Variants in OCIAD1 observed in about 807,000 individuals in gnomAD.
The protein encoded by OCIAD1 is OCIA domain-containing protein 1.
OCIAD1 carries 29 observed loss-of-function variants against 38.9 expected under a neutral mutation model. The ratio of observed to expected loss-of-function variants is 0.74; its 90% confidence interval spans 0.55 to 1.02. The LOEUF (loss-of-function observed/expected upper bound fraction) is 1.02. Among genes scored for constraint, OCIAD1 ranks in the 50% least tolerant of loss-of-function variants. The pLI is 0.00. For synonymous variants in OCIAD1, 110 were observed against 92.0 expected (o/e 1.20, Z -1.12); for missense variants, 288 against 289.6 (o/e 0.99, Z 0.04).
At chr4:48,805,686 T>C (rs1013076692) in intron 1 of OCIAD1, among the ~76,000 whole-genome samples, 1 of 141,030 alleles carries the variant, frequency 7.1e-6, no homozygotes, top group African/African-American at 2.6e-5. Context: ...CCCCATCTCT[T>C]AAAAAAAAAA....
intron 1 of OCIAD1, among the ~76,000 whole-genome samples, chr4:48,813,995 A>G (rs966033004): frequency 7.2e-5 from 11 of 152,166 alleles, no homozygotes; most frequent in Admixed American, 5.2e-4. Context: ...TAATCTCATT[A>G]AAAAAATTTT....
rs534426545 is a variant in OCIAD1 at position 48,816,985 on chromosome 4, T to C, written c.-103+11655T>C. ...ACTCCCTCCTCCCCAAAAAAAGGGG[T>C]GGGAGAGGGGCCAAGATGGCTGAAT... On this transcript the variant is annotated intron_variant, in intron 1 of 6. Transcript: ENST00000504654. 2.6e-5 allele frequency among the ~76,000 whole-genome samples: 4 copies of C among 151,816 alleles called. No individual in the cohort carries two copies. In the South Asian group the frequency reaches 8.3e-4, roughly 32 times the overall value.
At chr4:48,818,420 TC>T (rs151160708) in intron 1 of OCIAD1, among the ~76,000 whole-genome samples, 2,814 of 152,106 alleles carry the variant, frequency 0.019, 28 homozygotes, top group Middle Eastern at 0.037. Context: ...CATCCAAAGA[TC>T]ATCAGCCTCA....
intron 3 of OCIAD1, 38 bp from the exon 4 acceptor site, chr4:48,842,598 C>G: frequency 7.2e-7 from 1 of 1,392,088 alleles, no homozygotes; most frequent in Non-Finnish European, 1.0e-6. Flanking sequence ...AAATCTTTTA[C>G]TTTTGTTGAT....
At chr4:48,818,812 AG>A (rs1228831353) in intron 1 of OCIAD1, among the ~76,000 whole-genome samples, 53 of 152,338 alleles carry the variant, frequency 3.5e-4, no homozygotes, top group African/African-American at 1.2e-3. Flanking sequence ...ATCAAGCGGA[AG>A]AAAGGATATT....
Position 48,860,811 on chromosome 4 carries a change from A to C in OCIAD1, c.*49A>C, listed in dbSNP as rs770709882. 7.2e-6 allele frequency: 10 copies of C among 1,382,150 alleles called. No individual in the cohort carries two copies. Among genetic ancestry groups the C allele is most frequent in the Non-Finnish European group, 1.0e-5 (10 of 971,024 alleles). The allele number at this position is 1,382,150 out of a possible 1,614,324, so 85.6% of individuals were successfully genotyped here. ...GGAGTTTCAACATCCAGCTTCATCT[A>C]GGTGGTCATGATTACCTGCATGCTT... On this transcript the variant is annotated 3_prime_UTR_variant, in exon 9 of 9. Transcript: ENST00000264312.
At chr4:48,852,019 A>C (rs370531486) in intron 7 of OCIAD1, 44 bp downstream of exon 7, 4 of 1,477,690 alleles carry the variant, frequency 2.7e-6, no homozygotes, top group African/African-American at 2.8e-5. Flanking sequence ...TTATGGTCCA[A>C]CGTATGTATA....
intron 1 of OCIAD1, among the ~76,000 whole-genome samples, chr4:48,823,070 A>G (rs971451668): frequency 2.6e-5 from 4 of 152,176 alleles, no homozygotes; most frequent in African/African-American, 9.7e-5. Flanking sequence ...AAATCATTCT[A>G]CTATGAAGAC....
At chr4:48,849,084 G>A (rs1161434812) in intron 5 of OCIAD1, among the ~76,000 whole-genome samples, 1 of 152,096 alleles carries the variant, frequency 6.6e-6, no homozygotes, top group Non-Finnish European at 1.5e-5. Context: ...TCATAGGTGG[G>A]AATCGAACAA....
intron 1 of OCIAD1, among the ~76,000 whole-genome samples, chr4:48,822,464 C>T (rs1433060172): frequency 6.6e-6 from 1 of 152,134 alleles, no homozygotes; most frequent in African/African-American, 2.4e-5. Flanking sequence ...ATAGGCAGTA[C>T]CATTCAGGAC....
At chr4:48,837,468 T>C (rs1387409438) in intron 3 of OCIAD1, among the ~76,000 whole-genome samples, 1 of 151,534 alleles carries the variant, frequency 6.6e-6, no homozygotes, top group Non-Finnish European at 1.5e-5. Flanking sequence ...AATTTTTGTA[T>C]TTTTGGTAGA....
chr4:48,853,657 AAATT>A (rs1779739372), intron 7 of OCIAD1, among the ~76,000 whole-genome samples: 2 of 152,218 alleles, frequency 1.3e-5, no homozygotes, highest in Non-Finnish European at 2.9e-5. Flanking sequence ...GTGGCTATTT[AAATT>A]AATTAAAGTT....
rs189758019 is a variant in OCIAD1, at chr4:48,812,737, G to C, written c.-103+7407G>C. Among the ~76,000 whole-genome samples, 5 of 152,336 alleles carry C rather than the reference G, an allele frequency of 3.3e-5. No individual in the cohort carries two copies. The East Asian group carries it at 9.6e-4, about 29-fold the overall frequency. ...AGAGAGGAATTGGACACAGGAAGTAGAGATAATTCTTTCAAGGAGTTTTGC... is the reference window on the plus strand; with the variant it reads ...AGAGAGGAATTGGACACAGGAAGTACAGATAATTCTTTCAAGGAGTTTTGC... On this transcript the variant is annotated intron_variant, in intron 1 of 6. Coordinates refer to the OCIAD1 transcript ENST00000504654.
At chr4:48,810,133 C>T (rs1215460561) in intron 1 of OCIAD1, among the ~76,000 whole-genome samples, 1 of 152,082 alleles carries the variant, frequency 6.6e-6, no homozygotes, top group Non-Finnish European at 1.5e-5. Flanking sequence ...ATTATTATCT[C>T]TGCCAAAAAA....
chr4:48,828,506 T>C (rs367850105), upstream of OCIAD1, among the ~76,000 whole-genome samples: 30 of 152,336 alleles, frequency 2.0e-4, no homozygotes, highest in African/African-American at 6.5e-4. Flanking sequence ...TAAATCTTGC[T>C]GCTGCTCACT....
At chr4:48,855,353 A>G (rs182504881) in intron 7 of OCIAD1, among the ~76,000 whole-genome samples, 36 of 152,326 alleles carry the variant, frequency 2.4e-4, no homozygotes, top group Admixed American at 2.6e-4. Context: ...AATGAAATGC[A>G]AAGTGTTTTA....
At chr4:48,816,251 C>T (rs1452570837) in intron 1 of OCIAD1, among the ~76,000 whole-genome samples, 2 of 152,176 alleles carry the variant, frequency 1.3e-5, no homozygotes, top group South Asian at 2.1e-4. Flanking sequence ...TAGAAAAACG[C>T]TAATCTTTGT....
At chr4:48,847,681 A>G (rs1187949126) in intron 4 of OCIAD1, among the ~76,000 whole-genome samples, 1 of 152,198 alleles carries the variant, frequency 6.6e-6, no homozygotes, top group Non-Finnish European at 1.5e-5. Flanking sequence ...GTCATAAATC[A>G]AGTGTGCAGG....
chr4:48,851,700 A>G lies in OCIAD1; in HGVS notation c.378-106A>G, dbSNP rs150345086. Reference sequence around the variant, plus strand: ...CAAAAAAATAAAAAAAATTATATGTATATATAATTTTGGAAATAAGCTATA... The same window carrying G: ...CAAAAAAATAAAAAAAATTATATGTGTATATAATTTTGGAAATAAGCTATA... On this transcript the variant is annotated intron_variant, in intron 6 of 8. Coordinates refer to ENST00000264312, the MANE Select transcript of OCIAD1 (RefSeq NM_017830.4). The G allele has an allele frequency of 2.9e-4, 157 of 546,108 alleles. 1 individual carries two copies. In the East Asian group the frequency reaches 3.5e-3, roughly 12 times the overall value. 33.8% of individuals were successfully genotyped at this position (546,108 alleles called of 1,614,324 possible). A position where few individuals can be genotyped will look rare whatever the true frequency, so the allele number is the denominator to read the frequency against.
Sources: allele counts gnomAD v4.1 joint callset (sites outside exome capture counted in the v4.1 genomes callset), GRCh38; gene constraint gnomAD v4.1.1; transcripts MANE v1.5; gene names NCBI Gene and HGNC (gene_info 2026-07-23, HGNC 2026-07-21).